The following PTCHD4 variants were observed in gnomAD, a reference collection of about 807,000 sequenced individuals.
The protein encoded by PTCHD4 is patched domain containing 4, also known as patched domain-containing protein 4.
Under a neutral mutation model 58.1 loss-of-function variants are expected in PTCHD4, and 33 were observed. The ratio of observed to expected loss-of-function variants is 0.57; its 90% CI spans 0.43 to 0.76. The LOEUF (loss-of-function observed/expected upper bound fraction) is 0.76. Ranked by LOEUF, PTCHD4 falls within the 30% of genes least tolerant of loss-of-function variation. PTCHD4 has a pLI of 0.00. For missense variants in PTCHD4, 1,058 were observed against 1,027.1 expected (o/e 1.03, Z -0.41); for synonymous variants, 478 against 409.6 (o/e 1.17, Z -2.02).
At position 47,879,286 on chromosome 6, in the gene PTCHD4, C is replaced by A; in HGVS notation, c.1549G>T (p.Gly517Ter). The A allele has an allele frequency of 6.2e-7, 1 of 1,612,720 alleles. No individual in the cohort carries two copies. The highest frequency in any genetic ancestry group is 1.1e-5 in the South Asian group (1 of 90,938). Reference protein sequence around the residue: ...KYFSNYSPVIGFYVYEPLEYW... With the variant: ...KYFSNYSPVI ...TCTAGGGGCTCATAGACGTAGAATC[C>A]TATCACAGGGCTATAGTTGCTGAAA... The change falls in exon 5 of 5, where the codon GGA (glycine) becomes TGA (stop). Residue 517 changes from glycine (G) to a stop codon, truncating the protein, a stop_gained. Transcript: ENST00000339488. LOFTEE classifies it high-confidence loss of function.
intron 3 of PTCHD4, among the ~76,000 whole-genome samples, chr6:48,054,146 G>A (rs2114176042): frequency 6.6e-6 from 1 of 152,220 alleles, no homozygotes; most frequent in Non-Finnish European, 1.5e-5. Flanking sequence ...CTTAAGAGGG[G>A]CCCCAGACAT....
chr6:47,879,464 A>G lies in PTCHD4; in HGVS notation c.1371T>C (p.Asn457=). The G allele has an allele frequency of 1.2e-6, 2 of 1,613,582 alleles. No individual in the cohort carries two copies. The highest frequency in any genetic ancestry group is 1.7e-6 in the Non-Finnish European group (2 of 1,179,672). ...LREHYNEWIT[N]IYVKPFVVIL... is the part of the protein sequence containing the mutation. ...TGACAACAAATGGCTTCACATATAT[A>G]TTGGTAATCCATTCATTATAATGTT... The change falls in exon 5 of 5, where the codon AAT becomes AAC. Residue 457 remains asparagine, a synonymous_variant. Transcript: ENST00000339488.
chr6:47,874,388 T>C lies in PTCHD4; in HGVS notation c.*3915A>G, dbSNP rs1763793352. On this transcript the variant is annotated 3_prime_UTR_variant, in exon 5 of 5. Transcript: ENST00000339488. Reference sequence around the variant, plus strand: ...AAAATAGTGTCTTTAATAACCTATGTACTATTAATAACAAAGCATGCATAG... The same window carrying C: ...AAAATAGTGTCTTTAATAACCTATGCACTATTAATAACAAAGCATGCATAG... 6.6e-6 allele frequency among the ~76,000 whole-genome samples: 1 copy of C among 151,790 alleles called. No individual in the cohort carries two copies. The highest frequency in any genetic ancestry group is 1.5e-5 in the Non-Finnish European group (1 of 67,814).
Position 48,068,369 on chromosome 6 carries a change from T to A in PTCHD4, c.278A>T (p.Gln93Leu). The A allele has an allele frequency of 6.2e-7, 1 of 1,613,960 alleles. No individual in the cohort carries two copies. Among genetic ancestry groups the A allele is most frequent in the Non-Finnish European group, 8.5e-7 (1 of 1,179,884 alleles). The change falls in exon 3 of 5, where the codon CAG becomes CTG. Residue 93 changes from glutamine (Q) to leucine (L), a missense_variant. Transcript: ENST00000339488. The surrounding 1 kb of genome is among the most constrained non-coding windows in gnomAD (Gnocchi z 4.2). ...GTCCGAATAGAGCTGGCTTTTGGAC[T>A]GGTCCAGGGGGAAAAGGCTGCTGGC... ...SLASSLFPLD[Q>L]SKSQLYSDLH...
chr6:48,024,355 G>A (rs181278187), intron 3 of PTCHD4, among the ~76,000 whole-genome samples: 2 of 152,098 alleles, frequency 1.3e-5, no homozygotes, highest in East Asian at 1.9e-4. Context: ...GATTCCAACT[G>A]TGTCTGTTCC....
chr6:47,937,533 T>C (rs184308066), intron 4 of PTCHD4, among the ~76,000 whole-genome samples: 69 of 152,294 alleles, frequency 4.5e-4, no homozygotes, highest in African/African-American at 1.7e-3. Flanking sequence ...TTACGAGTTT[T>C]GTTTTAGACA....
intron 4 of PTCHD4, among the ~76,000 whole-genome samples, chr6:47,943,865 T>C (rs1766324633): frequency 6.6e-6 from 1 of 152,058 alleles, no homozygotes; most frequent in South Asian, 2.1e-4. Context: ...CATCTTATTT[T>C]GTCAAAATGT....
intron 4 of PTCHD4, among the ~76,000 whole-genome samples, chr6:47,960,933 A>G (rs943553816): frequency 3.3e-5 from 5 of 150,514 alleles, no homozygotes; most frequent in South Asian, 2.1e-4. Context: ...ACTGCTATCA[A>G]TTGTCTTGAC....
At chr6:47,991,655 G>GTTATTAATAGA (rs1768283199) in intron 4 of PTCHD4, among the ~76,000 whole-genome samples, 1 of 152,026 alleles carries the variant, frequency 6.6e-6, no homozygotes, top group Non-Finnish European at 1.5e-5. Context: ...GACTTAAAGT[G>GTTATTAATAGA]CTAGACAGCA....
In PTCHD4 at chr6:47,872,548, ACT is replaced by A. The variant is rs1166360792; in HGVS notation, c.*5753_*5754del. On this transcript the variant is annotated 3_prime_UTR_variant, in exon 5 of 5. Transcript: ENST00000339488. ...TCACACACCATCAGTGGTGATTCCT[ACT>A]CTGTTCCTAAAGTTTCTTTCTGATT... 2.0e-5 allele frequency among the ~76,000 whole-genome samples: 3 copies of A among 151,612 alleles called. No individual in the cohort carries two copies. Among genetic ancestry groups the A allele is most frequent in the African/African-American group, 7.3e-5 (3 of 41,356 alleles).
chr6:47,885,670 GTTC>G (rs1326687393), intron 4 of PTCHD4, among the ~76,000 whole-genome samples: 2 of 152,160 alleles, frequency 1.3e-5, no homozygotes, highest in Non-Finnish European at 2.9e-5. Context: ...AAGTAAGATG[GTTC>G]TTCTCTGAGA....
At chr6:47,944,442 T>C (rs1239256411) in intron 4 of PTCHD4, among the ~76,000 whole-genome samples, 2 of 152,002 alleles carry the variant, frequency 1.3e-5, no homozygotes, top group African/African-American at 4.8e-5. Context: ...AAGAATAAGA[T>C]ACAAAATATC....
chr6:47,981,371 T>C (rs1289642600), intron 4 of PTCHD4, among the ~76,000 whole-genome samples: 2 of 152,144 alleles, frequency 1.3e-5, no homozygotes, highest in African/African-American at 4.8e-5. Context: ...TATTTTTTCT[T>C]TCTATTTTTT....
At chr6:47,996,852 T>G (rs549809350) in intron 4 of PTCHD4, among the ~76,000 whole-genome samples, 19 of 152,334 alleles carry the variant, frequency 1.2e-4, no homozygotes, top group Admixed American at 2.6e-4. Context: ...TTGATTTAAA[T>G]TTTTTAAAAG....
At chr6:48,021,872 A>C (rs1238667988) in intron 3 of PTCHD4, among the ~76,000 whole-genome samples, 1 of 152,128 alleles carries the variant, frequency 6.6e-6, no homozygotes, top group African/African-American at 2.4e-5. Context: ...TTATCTCTCC[A>C]ACTAGACTTC....
chr6:47,939,118 G>A (rs1399759867), intron 4 of PTCHD4, among the ~76,000 whole-genome samples: 1 of 152,138 alleles, frequency 6.6e-6, no homozygotes, highest in East Asian at 1.9e-4. Context: ...TGGAGAAGAG[G>A]TAGCTGAGCC....
At chr6:47,952,124 C>A (rs549765823) in intron 4 of PTCHD4, among the ~76,000 whole-genome samples, 1 of 152,124 alleles carries the variant, frequency 6.6e-6, no homozygotes, top group East Asian at 1.9e-4. Flanking sequence ...ATAAATATTA[C>A]AGAAAAGGGT....
chr6:48,016,036 C>A (rs1264014184), intron 3 of PTCHD4, among the ~76,000 whole-genome samples: 1 of 117,354 alleles, frequency 8.5e-6, no homozygotes, highest in Non-Finnish European at 2.2e-5. Flanking sequence ...AGAAAAGAAA[C>A]AACAACATCT....
chr6:48,065,475 G>A (rs2113874826), intron 3 of PTCHD4, among the ~76,000 whole-genome samples: 1 of 152,300 alleles, frequency 6.6e-6, no homozygotes, highest in Admixed American at 6.5e-5. Context: ...TCACATGTTA[G>A]TGTGTATTAG....
Sources: allele counts gnomAD v4.1 joint callset (sites outside exome capture counted in the v4.1 genomes callset), GRCh38; gene constraint gnomAD v4.1.1; non-coding constraint Gnocchi (gnomAD v3.1); transcripts MANE v1.5; gene names NCBI Gene and HGNC (gene_info 2026-07-23, HGNC 2026-07-21).